Variants in ATP8A2 observed in about 807,000 individuals in gnomAD.
ATP8A2 encodes the protein ATPase phospholipid transporting 8A2.
ATP8A2 carries 100 observed loss-of-function variants against 165.6 expected under a neutral mutation model. The ratio of observed to expected loss-of-function variants is 0.60; its 90% CI spans 0.51 to 0.71. The LOEUF is 0.71. Ranked by LOEUF, ATP8A2 falls within the 30% of genes least tolerant of loss-of-function variation. The pLI is 0.00. For missense variants in ATP8A2, 1,227 were observed against 1,479.5 expected (o/e 0.83, Z 2.80); for synonymous variants, 543 against 548.8 (o/e 0.99, Z 0.15).
chr13:25,401,767 T>C (rs904521122), intron 1 of ATP8A2, among the ~76,000 whole-genome samples: 4 of 152,172 alleles, frequency 2.6e-5, no homozygotes, highest in African/African-American at 9.7e-5. Flanking sequence ...TAAAGTTTAA[T>C]TTATAAATTA....
At chr13:25,412,700 G>T (rs75412461) in intron 1 of ATP8A2, among the ~76,000 whole-genome samples, 13,691 of 152,158 alleles carry the variant, frequency 0.09, 1,003 homozygotes, top group African/African-American at 0.19. Context: ...TAGGAAATGG[G>T]GGAATCATAG....
intron 33 of ATP8A2, among the ~76,000 whole-genome samples, chr13:25,867,150 T>C (rs907147408): frequency 2.0e-5 from 3 of 151,958 alleles, no homozygotes; most frequent in Non-Finnish European, 4.4e-5. Flanking sequence ...TTTTTTTTTT[T>C]TTTTTTCATT....
intron 25 of ATP8A2, among the ~76,000 whole-genome samples, chr13:25,715,656 A>G (rs1039752973): frequency 5.9e-5 from 9 of 152,228 alleles, no homozygotes; most frequent in African/African-American, 2.2e-4. Context: ...TTTATTGCCA[A>G]AAAATATTTC....
chr13:25,646,391 C>T (rs193099229), intron 24 of ATP8A2, among the ~76,000 whole-genome samples: 2 of 152,214 alleles, frequency 1.3e-5, no homozygotes, highest in African/African-American at 2.4e-5. Flanking sequence ...TGGCTCACAC[C>T]TGTAATCCCA....
In ATP8A2 at chr13:25,984,610, A is replaced by C. The variant is rs78737467; in HGVS notation, c.3377+15931A>C. 7.0e-3 allele frequency among the ~76,000 whole-genome samples: 976 copies of C among 140,150 alleles called. 6 individuals are homozygous for C. The highest frequency in any genetic ancestry group is 0.025 in the Middle Eastern group (7 of 278). The allele number at this position is 140,150 out of a possible 152,430, so 91.9% of individuals were successfully genotyped here. ...GAGACTTTGTCTCAAAAAAAAAAAA[A>C]CAAACAAAAACAACAAACAAAAACG... is the stretch of plus-strand genomic sequence containing the variant. On this transcript the variant is annotated intron_variant, in intron 35 of 36. Transcript: ENST00000381655.
At chr13:25,839,660 C>G (rs760227828) in intron 30 of ATP8A2, 36 bp downstream of exon 30, 5 of 1,555,960 alleles carry the variant, frequency 3.2e-6, no homozygotes, top group Non-Finnish European at 3.5e-6. Context: ...CAGCAAGGAG[C>G]TTTGCAGCCG....
chr13:25,560,960 C>A (rs1459132566), intron 15 of ATP8A2, among the ~76,000 whole-genome samples: 1 of 151,198 alleles, frequency 6.6e-6, no homozygotes, highest in Admixed American at 6.6e-5. Context: ...CATCTTGGCT[C>A]ACTGCAAGCT....
At chr13:25,495,855 T>C (rs2036662055) in intron 2 of ATP8A2, among the ~76,000 whole-genome samples, 1 of 152,124 alleles carries the variant, frequency 6.6e-6, no homozygotes, top group African/African-American at 2.4e-5. Context: ...TGATCTGAGC[T>C]GTACACCTCA....
intron 33 of ATP8A2, among the ~76,000 whole-genome samples, chr13:25,881,339 A>G (rs1308827278): frequency 2.0e-5 from 3 of 152,182 alleles, no homozygotes; most frequent in Admixed American, 6.5e-5. Flanking sequence ...GGTCTGCCCA[A>G]TGCAATAAAC....
chr13:25,536,270 C>G (rs560992963), intron 6 of ATP8A2, among the ~76,000 whole-genome samples: 2 of 122,600 alleles, frequency 1.6e-5, no homozygotes, highest in East Asian at 3.9e-4. Flanking sequence ...CACCACCATG[C>G]CCGGTTAATT....
rs116706662 is a variant in ATP8A2, at chr13:25,580,376, G to A, written c.2007+429G>A. On this transcript the variant is annotated intron_variant, in intron 22 of 36. Coordinates refer to ENST00000381655, the MANE Select transcript of ATP8A2 (RefSeq NM_016529.6). ...GTTGCTACTCCACATTGCCTACTTT[G>A]ATTTTGTTGTTGTTGTTATTCTTTT... 9.6e-3 allele frequency among the ~76,000 whole-genome samples: 1,468 copies of A among 152,184 alleles called. 22 individuals are homozygous for A. Among genetic ancestry groups the A allele is most frequent in the African/African-American group, 0.034 (1,403 of 41,502 alleles).
intron 5 of ATP8A2, among the ~76,000 whole-genome samples, chr13:25,532,926 A>G (rs913615568): frequency 6.6e-6 from 1 of 152,156 alleles, no homozygotes; most frequent in African/African-American, 2.4e-5. Context: ...TTGGCTTCCC[A>G]AAGTGTTAGG....
chr13:25,430,785 A>G (rs1425310743), intron 1 of ATP8A2, among the ~76,000 whole-genome samples: 1 of 151,930 alleles, frequency 6.6e-6, no homozygotes, highest in Admixed American at 6.6e-5. Flanking sequence ...TTTAGTAGAG[A>G]CAGGGTTTCA....
Position 25,568,030 on chromosome 13 carries a change from C to T in ATP8A2, c.1474-2737C>T, listed in dbSNP as rs532966234. 1.4e-4 allele frequency among the ~76,000 whole-genome samples: 21 copies of T among 152,280 alleles called. No individual in the cohort carries two copies. The Middle Eastern group carries it at 0.014, about 99-fold the overall frequency. ...TTGACTAAAATTAAAACATTTGGTC[C>T]AAGAAAACCCTTACTTTCCTCCCAA... On this transcript the variant is annotated intron_variant, in intron 16 of 36. Coordinates refer to ENST00000381655, the MANE Select transcript of ATP8A2 (RefSeq NM_016529.6).
intron 2 of ATP8A2, among the ~76,000 whole-genome samples, chr13:25,516,712 C>T (rs1186022513): frequency 6.6e-6 from 1 of 151,154 alleles, no homozygotes; most frequent in African/African-American, 2.4e-5. Flanking sequence ...AAATAAATCT[C>T]ATAACTCTTT....
intron 33 of ATP8A2, among the ~76,000 whole-genome samples, chr13:25,955,995 A>G (rs1955510181): frequency 6.6e-6 from 1 of 152,208 alleles, no homozygotes; most frequent in African/African-American, 2.4e-5. Context: ...AACATAATCC[A>G]TCACATAACT....
intron 35 of ATP8A2, among the ~76,000 whole-genome samples, chr13:25,975,439 G>A (rs977521845): frequency 6.6e-5 from 10 of 151,418 alleles, no homozygotes; most frequent in African/African-American, 1.7e-4. Context: ...AAAATTAGCC[G>A]GGTGTGGTGG....
intron 33 of ATP8A2, among the ~76,000 whole-genome samples, chr13:25,960,517 C>T (rs1955635205): frequency 6.6e-6 from 1 of 152,076 alleles, no homozygotes; most frequent in African/African-American, 2.4e-5. Context: ...ATGTTTGAGG[C>T]CTCCAGAAAA....
chr13:25,506,927 A>G (rs2037055053), intron 2 of ATP8A2, among the ~76,000 whole-genome samples: 1 of 141,076 alleles, frequency 7.1e-6, no homozygotes, highest in Admixed American at 7.2e-5. Flanking sequence ...GTGTGTATAT[A>G]TACAGTACAG....
Sources: allele counts gnomAD v4.1 joint callset (sites outside exome capture counted in the v4.1 genomes callset), GRCh38; gene constraint gnomAD v4.1.1; transcripts MANE v1.5; gene names NCBI Gene and HGNC (gene_info 2026-07-23, HGNC 2026-07-21).